The following KLC2 variants were observed in gnomAD, a reference collection of about 807,000 sequenced individuals.
The protein encoded by KLC2 is KLC 2.
KLC2 carries 35 observed loss-of-function variants against 75.1 expected under a neutral mutation model. The observed-to-expected ratio is 0.47, with a 90% CI of 0.36 to 0.62. The LOEUF is 0.62. Ranked by LOEUF, KLC2 falls within the 20% of genes least tolerant of loss-of-function variation. The pLI is 0.00. For missense variants in KLC2, 611 were observed against 833.2 expected (o/e 0.73, Z 3.28); for synonymous variants, 314 against 336.7 (o/e 0.93, Z 0.74).
upstream of KLC2, among the ~76,000 whole-genome samples, chr11:66,253,413 G>T (rs955417849): frequency 6.6e-6 from 1 of 152,242 alleles, no homozygotes; most frequent in African/African-American, 2.4e-5. Context: ...AGGATCTAAA[G>T]GGATGCAGTA....
chr11:66,248,369 C>T, the KLC2 span, among the ~76,000 whole-genome samples: 1 of 152,126 alleles, frequency 6.6e-6, no homozygotes, highest in East Asian at 1.9e-4. Flanking sequence ...CCCATAATCA[C>T]AGCACTTGGG....
chr11:66,263,477 G>A (rs521109), intron 5 of KLC2, among the ~76,000 whole-genome samples, 183 bp from the exon 6 acceptor site: 61,169 of 152,078 alleles, frequency 0.4, 13,256 homozygotes, highest in Non-Finnish European at 0.48. Context: ...CCAGCCAATT[G>A]TGAGAAAACT....
At chr11:66,266,600 G>A in intron 15 of KLC2, 110 bp downstream of exon 15, 1 of 1,198,632 alleles carries the variant, frequency 8.3e-7, no homozygotes, top group Non-Finnish European at 1.2e-6. Flanking sequence ...TCCTGGCTCT[G>A]TCTCAGGCCT....
upstream of KLC2, among the ~76,000 whole-genome samples, chr11:66,253,519 T>C (rs1021886341): frequency 1.3e-5 from 2 of 152,188 alleles, no homozygotes; most frequent in African/African-American, 4.8e-5. Flanking sequence ...TGCTGAGCAC[T>C]GTGGAAAGAG....
upstream of KLC2, among the ~76,000 whole-genome samples, chr11:66,254,568 G>A (rs151179781): frequency 9.6e-4 from 145 of 151,804 alleles, 2 homozygotes; most frequent in East Asian, 0.027. Flanking sequence ...AAGAGGCTGA[G>A]GCGGGAGGAT....
the KLC2 span, among the ~76,000 whole-genome samples, chr11:66,251,397 C>T: frequency 1.5e-5 from 2 of 135,026 alleles, 1 homozygote; most frequent in African/African-American, 5.1e-5. Flanking sequence ...GAAGCTGAGC[C>T]ACAAGAATCG....
the KLC2 span, among the ~76,000 whole-genome samples, chr11:66,249,510 G>A: frequency 8.6e-4 from 131 of 152,300 alleles, no homozygotes; most frequent in African/African-American, 3.1e-3. Flanking sequence ...AGCTGTCACC[G>A]TCACCTACAG....
rs146145280 is a variant in KLC2 at position 66,264,677 on chromosome 11, C to T, written c.1216+233C>T. 3,497 of 589,424 alleles carry T rather than the reference C, an allele frequency of 5.9e-3. 27 individuals carry two copies. Among genetic ancestry groups the T allele is most frequent in the Middle Eastern group, 0.023 (50 of 2,206 alleles). The allele number at this position is 589,424 out of a possible 1,614,324, so 36.5% of individuals were successfully genotyped here. ...AGGGCCTCACACGCCTTTGCATCCC[C>T]CTTCTCCACTGGCGATTCTTGCTCA... On this transcript the variant is annotated intron_variant, in intron 9 of 15. Transcript: ENST00000394067.
intron 5 of KLC2, 86 bp downstream of exon 5, chr11:66,263,122 C>A: frequency 3.1e-6 from 3 of 957,338 alleles, no homozygotes; most frequent in Non-Finnish European, 4.8e-6. Flanking sequence ...TGGGCCAGGA[C>A]TCGTGGCCCA....
intron 2 of KLC2, chr11:66,261,367 C>T (rs1009853185): frequency 3.7e-5 from 7 of 189,440 alleles, no homozygotes; most frequent in East Asian, 1.3e-4. Flanking sequence ...TGTGGGCAAG[C>T]GCTAGCCCTG....
intron 8 of KLC2, 37 bp from the exon 9 acceptor site, chr11:66,264,308 A>C (rs1295499647): frequency 6.3e-7 from 1 of 1,588,950 alleles, no homozygotes; most frequent in South Asian, 1.1e-5. Flanking sequence ...GCTTGGCTGC[A>C]TGCATCCCGC....
At chr11:66,246,187 TG>T in the KLC2 span, 1 of 152,532 alleles carries the variant, frequency 6.6e-6, no homozygotes, top group African/African-American at 2.4e-5. Flanking sequence ...TAGTGTGACC[TG>T]GATCTAGGGT....
At chr11:66,247,447 T>G in the KLC2 span, among the ~76,000 whole-genome samples, 1 of 152,146 alleles carries the variant, frequency 6.6e-6, no homozygotes, top group Non-Finnish European at 1.5e-5. Context: ...TAATTCCTCT[T>G]ACGCTTCCCC....
chr11:66,246,237 G>C, the KLC2 span: 1 of 152,516 alleles, frequency 6.6e-6, no homozygotes, highest in Admixed American at 6.5e-5. Flanking sequence ...TGCCCACGAG[G>C]ACTTCCCGGA....
chr11:66,266,951 GGCTAAT>G lies in KLC2; in HGVS notation c.1868_*4del, dbSNP rs777290908. On this transcript the variant is annotated stop_retained_variant and 3_prime_UTR_variant, in exon 16 of 16. Transcript: ENST00000394067. Reference sequence around the variant, plus strand: ...CCTCTCCCGACGAAGCTCCCTGGTGGGCTAATGCTGAAGGGGCAGCCAGTCACCAGA... The same window carrying G: ...CCTCTCCCGACGAAGCTCCCTGGTGGGCTGAAGGGGCAGCCAGTCACCAGA... The G allele has an allele frequency of 1.1e-5, 18 of 1,612,462 alleles. No homozygotes were observed. The highest frequency in any genetic ancestry group is 1.5e-5 in the Non-Finnish European group (18 of 1,179,976).
Position 66,266,913 on chromosome 11 carries a change from C to T in KLC2, c.1826C>T (p.Ser609Phe), listed in dbSNP as rs748605249. The change falls in exon 16 of 16, where the codon TCC becomes TTC. Residue 609 changes from serine to phenylalanine, a missense_variant. By Grantham distance (155) the Ser-to-Phe change is radical. Transcript: ENST00000394067. ...CTCTCTGACAGCCGCACTCTCAGCT[C>T]CAGCTCCATGGACCTCTCCCGACGA... ...TGLSDSRTLS[S>F]SSMDLSRRSS... 6.2e-7 allele frequency: 1 copy of T among 1,613,624 alleles called. No individual in the cohort carries two copies. Among genetic ancestry groups the T allele is most frequent in the Non-Finnish European group, 8.5e-7 (1 of 1,180,020 alleles).
chr11:66,250,872 C>T, the KLC2 span, among the ~76,000 whole-genome samples: 1 of 152,244 alleles, frequency 6.6e-6, no homozygotes, highest in South Asian at 2.1e-4. Flanking sequence ...GAGGAAGAGT[C>T]TAGGCCCTGA....
rs780321229 is a variant in KLC2, at chr11:66,265,875, A to G, written c.1465A>G (p.Thr489Ala). The change falls in exon 13 of 16, where the codon ACC becomes GCC. Residue 489 changes from threonine (T) to alanine (A), a missense_variant. Transcript: ENST00000394067. ...TCAGGGTTTGGACCCCGCAAGCCAG[A>G]CCAAGGTGGTAGAACTGCTGAAAGA... ...RKQGLDPASQ[T>A]KVVELLKDGS... The G allele has an allele frequency of 3.2e-6, 5 of 1,576,054 alleles. No individual in the cohort carries two copies. The highest frequency in any genetic ancestry group is 4.3e-6 in the Non-Finnish European group (5 of 1,157,282).
chr11:66,254,571 G>A (rs954023080), upstream of KLC2, among the ~76,000 whole-genome samples: 6 of 150,650 alleles, frequency 4.0e-5, no homozygotes, highest in Non-Finnish European at 7.4e-5. Context: ...AGGCTGAGGC[G>A]GGAGGATCAC....
Sources: allele counts gnomAD v4.1 joint callset (sites outside exome capture counted in the v4.1 genomes callset), GRCh38; gene constraint gnomAD v4.1.1; transcripts MANE v1.5; gene names NCBI Gene and HGNC (gene_info 2026-07-23, HGNC 2026-07-21).